The following PDZD2 variants were observed in gnomAD, a reference collection of about 807,000 sequenced individuals.
PDZD2 encodes PDZ domain-containing protein 2.
Under a neutral mutation model 220.7 loss-of-function variants are expected in PDZD2, and 90 were observed. The ratio of observed to expected loss-of-function variants is 0.41; its 90% CI spans 0.34 to 0.49. PDZD2 has a LOEUF of 0.49. Among genes scored for constraint, PDZD2 ranks in the 20% least tolerant of loss-of-function variants. PDZD2 has a pLI of 0.28. For missense variants in PDZD2, 3,174 were observed against 3,608.5 expected, an observed-to-expected ratio of 0.88 and a Z score of 3.08; for synonymous variants, 1,375 against 1,450.5, an observed-to-expected ratio of 0.95 and a Z score of 1.18.
At chr5:32,051,103 A>T (rs572232253) in intron 8 of PDZD2, among the ~76,000 whole-genome samples, 25 of 152,332 alleles carry the variant, frequency 1.6e-4, no homozygotes, top group African/African-American at 5.5e-4. Flanking sequence ...TGAAGCCTAC[A>T]GGCCTTTGGT....
chr5:31,945,357 T>G (rs115398386), intron 2 of PDZD2, among the ~76,000 whole-genome samples: 1,687 of 152,288 alleles, frequency 0.011, 33 homozygotes, highest in African/African-American at 0.039. Context: ...GCATTGAGCA[T>G]TCCAAAGCCA....
chr5:31,890,080 C>T (rs13157311), intron 2 of PDZD2, among the ~76,000 whole-genome samples: 50,814 of 137,488 alleles, frequency 0.37, 9,722 homozygotes, highest in Admixed American at 0.4. Flanking sequence ...CAAACAAAAC[C>T]GTAAGAAACA....
chr5:31,874,755 T>C (rs545429595), intron 2 of PDZD2, among the ~76,000 whole-genome samples: 216 of 117,898 alleles, frequency 1.8e-3, no homozygotes, highest in African/African-American at 7.4e-3. Flanking sequence ...AACACGACTC[T>C]ATCTTAAAAA....
chr5:32,042,080 C>T (rs1445848128), intron 7 of PDZD2, among the ~76,000 whole-genome samples: 3 of 116,188 alleles, frequency 2.6e-5, no homozygotes, highest in Non-Finnish European at 5.8e-5. Context: ...ACGGTGAAAC[C>T]CTGTCTCTAC....
At chr5:31,714,829 C>T (rs112049336) in intron 1 of PDZD2, among the ~76,000 whole-genome samples, 11 of 151,950 alleles carry the variant, frequency 7.2e-5, no homozygotes, top group South Asian at 2.1e-4. Flanking sequence ...GAGGCTGAGA[C>T]GGGCAGATTA....
chr5:31,902,192 A>G (rs1742163868), intron 2 of PDZD2, among the ~76,000 whole-genome samples: 2 of 152,198 alleles, frequency 1.3e-5, no homozygotes, highest in East Asian at 3.8e-4. Flanking sequence ...ACAATTTTAC[A>G]TTCCTACCAA....
chr5:31,684,139 G>A (rs894023427), intron 1 of PDZD2, among the ~76,000 whole-genome samples: 1 of 152,106 alleles, frequency 6.6e-6, no homozygotes, highest in African/African-American at 2.4e-5. Flanking sequence ...TGATGCCCCC[G>A]TACAAATTTA....
At chr5:32,052,393 G>A (rs1738649749) in intron 8 of PDZD2, 2 of 439,788 alleles carry the variant, frequency 4.5e-6, no homozygotes, top group Non-Finnish European at 4.2e-6. Flanking sequence ...TGACCCACCT[G>A]CCTTGGCCTC....
chr5:31,765,764 G>C (rs774070291), intron 1 of PDZD2, among the ~76,000 whole-genome samples: 1 of 152,198 alleles, frequency 6.6e-6, no homozygotes, highest in Non-Finnish European at 1.5e-5. Flanking sequence ...TCCCTAGCTG[G>C]ATGGGACCTT....
At chr5:31,737,318 GCC>G (rs1561419248) in intron 1 of PDZD2, among the ~76,000 whole-genome samples, 16 of 151,712 alleles carry the variant, frequency 1.1e-4, no homozygotes, top group Non-Finnish European at 4.4e-5. Context: ...GACTACAGGC[GCC>G]CACCACCACG....
In PDZD2 at chr5:31,942,390, T is replaced by C. The variant is rs1313821338; in HGVS notation, c.477-40765T>C. Among the ~76,000 whole-genome samples the C allele has an allele frequency of 2.6e-5, 4 of 152,234 alleles. No homozygotes were observed. In the East Asian group the frequency reaches 5.8e-4, roughly 22 times the overall value. On this transcript the variant is annotated intron_variant, in intron 2 of 24. Coordinates refer to ENST00000438447, the MANE Select transcript of PDZD2 (RefSeq NM_178140.4). Reference sequence around the variant, plus strand: ...CTTTGTGTGCTTATGGGCATGTGTGTGTGTGTGTGTGTGTCAGGGAGGGAG... The same window carrying C: ...CTTTGTGTGCTTATGGGCATGTGTGCGTGTGTGTGTGTGTCAGGGAGGGAG...
At chr5:32,058,175 C>T (rs145095873) in intron 12 of PDZD2, 72 bp downstream of exon 12, 5 of 800,032 alleles carry the variant, frequency 6.2e-6, no homozygotes, top group Admixed American at 4.1e-5. Flanking sequence ...TAGCTTAATT[C>T]TTCCTTGTTG....
chr5:32,064,466 C>G (rs1210224360), intron 14 of PDZD2, among the ~76,000 whole-genome samples: 1 of 151,986 alleles, frequency 6.6e-6, no homozygotes, highest in African/African-American at 2.4e-5. Flanking sequence ...TGGTCTCGAA[C>G]TCCTAACCTC....
Position 32,073,976 on chromosome 5 carries a change from T to C in PDZD2, c.2870T>C (p.Leu957Pro). ...GSPQALRNPLLRQRKVGCYDA... is the reference protein window; with the variant it reads ...GSPQALRNPLPRQRKVGCYDA... ...CCACAGGCCCTCCGAAACCCTCTCCTCCGCCAGAGGAAGGTAGGCTGCTAC... is the reference window on the plus strand; with the variant it reads ...CCACAGGCCCTCCGAAACCCTCTCCCCCGCCAGAGGAAGGTAGGCTGCTAC... The change falls in exon 18 of 25, where the codon CTC (leucine) becomes CCC (proline). Residue 957 changes from leucine (L) to proline (P), a missense_variant. Leu to Pro is a moderately conservative substitution (Grantham distance 98). Coordinates refer to ENST00000438447, the MANE Select transcript of PDZD2 (RefSeq NM_178140.4). The C allele has an allele frequency of 6.2e-7, 1 of 1,614,000 alleles. No homozygotes were observed. The highest frequency in any genetic ancestry group is 8.5e-7 in the Non-Finnish European group (1 of 1,179,998).
At chr5:31,822,581 T>C (rs1755953811) in intron 2 of PDZD2, 6 of 1,087,550 alleles carry the variant, frequency 5.5e-6, no homozygotes, top group Non-Finnish European at 8.0e-6. Context: ...TCCTGAATGG[T>C]TCGTTTTTTC....
At chr5:31,775,664 CGTGTGTGT>C (rs370394146) in intron 1 of PDZD2, among the ~76,000 whole-genome samples, 3,734 of 135,440 alleles carry the variant, frequency 0.028, 52 homozygotes, top group African/African-American at 0.037. Context: ...ACTCACAGAG[CGTGTGTGT>C]GTGTGTGTGT....
At chr5:31,698,431 TA>T (rs1251408389) in intron 1 of PDZD2, among the ~76,000 whole-genome samples, 3 of 115,390 alleles carry the variant, frequency 2.6e-5, no homozygotes, top group Non-Finnish European at 3.5e-5. Context: ...CCATCTCTAC[TA>T]AAAAATACAA....
intron 6 of PDZD2, among the ~76,000 whole-genome samples, chr5:32,013,128 G>A (rs1753458063): frequency 6.6e-6 from 1 of 151,844 alleles, no homozygotes; most frequent in Non-Finnish European, 1.5e-5. Flanking sequence ...AAACGCTATG[G>A]TCTTAATGAC....
intron 1 of PDZD2, among the ~76,000 whole-genome samples, chr5:31,741,067 G>A (rs1188205918): frequency 6.6e-6 from 1 of 151,960 alleles, no homozygotes; most frequent in African/African-American, 2.4e-5. Context: ...AGTCTATTTG[G>A]GGGCAAAAAA....
Sources: gnomAD v4.1 joint callset for allele counts (sites outside exome capture counted in the v4.1 genomes callset) on GRCh38, gnomAD v4.1.1 for gene constraint, MANE v1.5 for transcripts, NCBI Gene and HGNC (gene_info 2026-07-23, HGNC 2026-07-21) for gene names.